Variants in CFAP299 observed in about 807,000 individuals in gnomAD.
The protein encoded by CFAP299 is cilia- and flagella-associated protein 299.
In CFAP299, 21 loss-of-function variants were observed where a neutral mutation model predicts 27.0. That is an observed-to-expected ratio of 0.78 (90% confidence interval 0.55 to 1.12). The LOEUF is 1.12. CFAP299 is among the 50% of genes most tolerant of loss of function. The probability of loss-of-function intolerance (pLI) is 0.00; values close to 1 mark genes in which losing one functional copy is unlikely to be tolerated. For synonymous variants in CFAP299, 104 were observed against 98.1 expected (o/e 1.06, Z -0.36); for missense variants, 310 against 276.6 (o/e 1.12, Z -0.86).
At chr4:80,332,567 CA>C, upstream of CFAP299, among the ~76,000 whole-genome samples, 1 of 152,226 alleles carries the variant, frequency 6.6e-6, no homozygotes, top group Middle Eastern at 3.4e-3. Context: ...AGCTTGTATA[CA>C]GCATTTGACT....
chr4:80,413,307 C>G (rs543530695), intron 2 of CFAP299, among the ~76,000 whole-genome samples: 1 of 152,318 alleles, frequency 6.6e-6, no homozygotes, highest in Admixed American at 6.5e-5. Flanking sequence ...ATTGTGAAAG[C>G]AGCAGGCATC....
intron 3 of CFAP299, among the ~76,000 whole-genome samples, chr4:80,846,040 G>A (rs1456620812): frequency 6.6e-6 from 1 of 151,968 alleles, no homozygotes; most frequent in Non-Finnish European, 1.5e-5. Context: ...TTTTGTCTAT[G>A]CTGGGTGTGA....
chr4:80,812,662 G>A (rs188421201), intron 3 of CFAP299, among the ~76,000 whole-genome samples: 386 of 152,176 alleles, frequency 2.5e-3, no homozygotes, highest in African/African-American at 8.2e-3. Flanking sequence ...TCAAATTAGC[G>A]TCAATAGAGT....
chr4:80,881,943 G>T (rs893681420), intron 4 of CFAP299, among the ~76,000 whole-genome samples: 1 of 151,920 alleles, frequency 6.6e-6, no homozygotes, highest in Non-Finnish European at 1.5e-5. Context: ...TGAGGCAGAG[G>T]AACACCATAA....
intron 3 of CFAP299, among the ~76,000 whole-genome samples, chr4:80,610,058 T>C (rs1174458002): frequency 1.3e-5 from 2 of 152,094 alleles, no homozygotes; most frequent in African/African-American, 4.8e-5. Context: ...GTCTATAGAT[T>C]TGCAGAGAAT....
rs190722383 is a variant in CFAP299, at chr4:80,951,538, T to G, written c.606+6599T>G. ...AGTACCCAGCCTGCCCTGGCTTGATTAGGAGCAATTCCTATTAATTCAGGA... is the reference window on the plus strand; with the variant it reads ...AGTACCCAGCCTGCCCTGGCTTGATGAGGAGCAATTCCTATTAATTCAGGA... On this transcript the variant is annotated intron_variant, in intron 5 of 5. Coordinates refer to ENST00000358105, the MANE Select transcript of CFAP299 (RefSeq NM_152770.3). Among the ~76,000 whole-genome samples the G allele has an allele frequency of 5.3e-5, 8 of 152,276 alleles. No individual in the cohort carries two copies. In the East Asian group the frequency reaches 1.5e-3, roughly 29 times the overall value.
rs1382499888 is a variant in CFAP299 at position 80,370,557 on chromosome 4, G to T, written c.242+7673G>T. Among the ~76,000 whole-genome samples, 4 of 152,220 alleles carry T rather than the reference G, an allele frequency of 2.6e-5. No homozygotes were observed. In the East Asian group the frequency reaches 5.8e-4, roughly 22 times the overall value. On this transcript the variant is annotated intron_variant, in intron 2 of 5. Transcript: ENST00000358105. ...AGGATACAATGGGGGATAGGCATTA[G>T]GTAAGTACCCTTGTTCCAAAAGGGA...
At chr4:80,457,187 C>T (rs962080272) in intron 2 of CFAP299, among the ~76,000 whole-genome samples, 1 of 151,986 alleles carries the variant, frequency 6.6e-6, no homozygotes, top group Non-Finnish European at 1.5e-5. Flanking sequence ...AATTGAAGGA[C>T]AAGAATTACA....
At chr4:80,566,751 C>T (rs563092585) in intron 2 of CFAP299, among the ~76,000 whole-genome samples, 1 of 151,998 alleles carries the variant, frequency 6.6e-6, no homozygotes, top group Admixed American at 6.6e-5. Flanking sequence ...TCAGGAAGTA[C>T]ATTCCAAATC....
Position 80,724,146 on chromosome 4 carries a change from A to T in CFAP299, c.333+140963A>T, listed in dbSNP as rs536851617. 2.4e-3 allele frequency among the ~76,000 whole-genome samples: 364 copies of T among 152,262 alleles called. 1 individual carries two copies. The highest frequency in any genetic ancestry group is 3.4e-3 in the Non-Finnish European group (234 of 67,988). The stretch of plus-strand genomic sequence containing the variant: ...AAATATATTCATTACAAATTTGACT[A>T]TAAATTTGTATTGTATTTGGTAAAA... On this transcript the variant is annotated intron_variant, in intron 3 of 5. Transcript: ENST00000358105.
intron 2 of CFAP299, among the ~76,000 whole-genome samples, chr4:80,531,958 G>T (rs1733497072): frequency 6.6e-6 from 1 of 151,872 alleles, no homozygotes; most frequent in African/African-American, 2.4e-5. Context: ...TTTCTCCATT[G>T]TCGGTCAGGC....
intron 4 of CFAP299, 120 bp from the exon 5 acceptor site, chr4:80,944,690 T>G (rs1737379164): frequency 1.5e-6 from 1 of 684,514 alleles, no homozygotes. Flanking sequence ...TCTACATGGT[T>G]GTATGGCATG....
intron 3 of CFAP299, among the ~76,000 whole-genome samples, chr4:80,826,445 TC>T (rs1358436654): frequency 1.3e-5 from 2 of 151,038 alleles, no homozygotes; most frequent in Non-Finnish European, 3.0e-5. Context: ...AATAAAACAA[TC>T]AAAAAAGGTT....
intron 2 of CFAP299, among the ~76,000 whole-genome samples, chr4:80,416,711 A>G (rs1308709695): frequency 1.3e-5 from 2 of 152,242 alleles, no homozygotes; most frequent in East Asian, 1.9e-4. Context: ...CTATTTACTT[A>G]AAGACTCATT....
At chr4:80,885,475 C>G (rs146305144) in intron 4 of CFAP299, among the ~76,000 whole-genome samples, 1 of 152,228 alleles carries the variant, frequency 6.6e-6, no homozygotes, top group Non-Finnish European at 1.5e-5. Flanking sequence ...TTCCTCCTGC[C>G]CAAGGTCAGG....
At chr4:80,661,193 G>A (rs1441756047) in intron 3 of CFAP299, among the ~76,000 whole-genome samples, 5 of 152,044 alleles carry the variant, frequency 3.3e-5, no homozygotes, top group African/African-American at 1.2e-4. Flanking sequence ...GGATGTGGTT[G>A]CGTGCTCCTG....
chr4:80,327,699 T>TATATATATATATATATAACTTCAATAC, the CFAP299 span, among the ~76,000 whole-genome samples: 5 of 120,618 alleles, frequency 4.1e-5, no homozygotes, highest in African/African-American at 1.5e-4. Context: ...GTTATATATA[T>TATATATATATATATATAACTTCAATAC]ATATATATAT....
At chr4:80,897,227 C>T (rs1281487448) in intron 4 of CFAP299, among the ~76,000 whole-genome samples, 1 of 152,084 alleles carries the variant, frequency 6.6e-6, no homozygotes, top group Non-Finnish European at 1.5e-5. Context: ...GAGCAGTTTT[C>T]ATCATTGTAC....
chr4:80,596,348 T>A lies in CFAP299; in HGVS notation c.333+13165T>A, dbSNP rs550949681. On this transcript the variant is annotated intron_variant, in intron 3 of 5. Coordinates refer to ENST00000358105, the MANE Select transcript of CFAP299 (RefSeq NM_152770.3). ...GGTTGTTATTTGCATTTCAGCAAGT[T>A]CTAATAATTAGACTGCAACGGGCAA... is the stretch of plus-strand genomic sequence containing the variant. Among the ~76,000 whole-genome samples, 88 of 152,332 alleles carry A rather than the reference T, an allele frequency of 5.8e-4. 1 individual carries two copies. The highest frequency in any genetic ancestry group is 1.9e-3 in the African/African-American group (81 of 41,588).
Sources: gnomAD v4.1 joint callset for allele counts (sites outside exome capture counted in the v4.1 genomes callset) on GRCh38, gnomAD v4.1.1 for gene constraint, MANE v1.5 for transcripts, NCBI Gene and HGNC (gene_info 2026-07-23, HGNC 2026-07-21) for gene names.